The following VPS26C variants were observed in gnomAD, a reference collection of about 807,000 sequenced individuals.
The protein encoded by VPS26C is VPS26 endosomal protein sorting factor C.
Under a neutral mutation model 30.6 loss-of-function variants are expected in VPS26C, and 19 were observed. That is an observed-to-expected ratio of 0.62 (90% CI 0.43 to 0.91). The LOEUF (loss-of-function observed/expected upper bound fraction) is 0.91. Ranked by LOEUF, VPS26C falls within the 40% of genes least tolerant of loss-of-function variation. The pLI, the probability that VPS26C is intolerant of heterozygous loss-of-function variation, is 0.00. For missense variants in VPS26C, 318 were observed against 385.1 expected, an observed-to-expected ratio of 0.83 and a Z score of 1.46; for synonymous variants, 132 against 151.5, an observed-to-expected ratio of 0.87 and a Z score of 0.95.
chr21:37,239,711 C>G (rs753904285), intron 2 of VPS26C, among the ~76,000 whole-genome samples: 9 of 151,570 alleles, frequency 5.9e-5, no homozygotes, highest in Non-Finnish European at 1.2e-4. Context: ...TCAAGCGATT[C>G]TCCTGCCTCA....
chr21:37,255,220 GTTC>G (rs975170838), intron 1 of VPS26C, among the ~76,000 whole-genome samples: 1 of 152,058 alleles, frequency 6.6e-6, no homozygotes, highest in Non-Finnish European at 1.5e-5. Context: ...CTGCCCATCG[GTTC>G]CTAATTTTCC....
At chr21:37,236,220 T>C (rs900014176) in intron 3 of VPS26C, among the ~76,000 whole-genome samples, 1 of 152,200 alleles carries the variant, frequency 6.6e-6, no homozygotes, top group Non-Finnish European at 1.5e-5. Flanking sequence ...CGGTAAACAG[T>C]GCGGGCCGAG....
chr21:37,227,269 C>G lies in VPS26C; in HGVS notation c.811+385G>C, dbSNP rs549055144. 1.7e-5 allele frequency: 3 copies of G among 174,654 alleles called. No individual in the cohort carries two copies. In the East Asian group the frequency reaches 4.8e-4, roughly 28 times the overall value. The allele number at this position is 174,654 out of a possible 1,614,324, so 10.8% of individuals were successfully genotyped here. On this transcript the variant is annotated intron_variant, in intron 7 of 7. Coordinates refer to ENST00000309117, the MANE Select transcript of VPS26C (RefSeq NM_006052.2). ...TTTTCTTCACGGAGCTCAGCGTCAC[C>G]TGCCCATGTCTACACAGAGCTCAGC...
At position 37,232,453 on chromosome 21, in the gene VPS26C, T is replaced by A; in HGVS notation, c.433-2A>T. ...GGGAGTAAACTTCCCCTTCTGAGGC[T>A]AAAACGAGAGGTGAAACCGAAATCA... On this transcript the variant is annotated splice_acceptor_variant, in intron 4 of 7. Coordinates refer to ENST00000309117, the MANE Select transcript of VPS26C (RefSeq NM_006052.2). LOFTEE classifies it high-confidence loss of function. 1 of 1,613,964 alleles carries A rather than the reference T, an allele frequency of 6.2e-7. No homozygotes were observed. The highest frequency in any genetic ancestry group is 8.5e-7 in the Non-Finnish European group (1 of 1,179,832).
chr21:37,249,301 A>C (rs565968884), intron 1 of VPS26C, among the ~76,000 whole-genome samples: 2 of 152,350 alleles, frequency 1.3e-5, no homozygotes, highest in South Asian at 2.1e-4. Context: ...ATACCTGAAG[A>C]AACCCAAGGG....
intron 1 of VPS26C, among the ~76,000 whole-genome samples, chr21:37,256,836 A>G (rs905388525): frequency 2.6e-4 from 39 of 152,224 alleles, no homozygotes; most frequent in African/African-American, 8.7e-4. Context: ...ATTCCTGATA[A>G]TAAAGTTTTA....
intron 3 of VPS26C, among the ~76,000 whole-genome samples, chr21:37,234,304 G>T (rs889456880): frequency 6.6e-6 from 1 of 152,194 alleles, no homozygotes; most frequent in Non-Finnish European, 1.5e-5. Flanking sequence ...ATGTAGCATC[G>T]CACTTGCACA....
chr21:37,237,212 T>C (rs2035112568), intron 3 of VPS26C, among the ~76,000 whole-genome samples: 5 of 152,234 alleles, frequency 3.3e-5, no homozygotes, highest in Admixed American at 3.3e-4. Flanking sequence ...AGTTAACAAA[T>C]ATGATCACTG....
At chr21:37,267,060 G>C (rs1395766171) in intron 1 of VPS26C, 178 bp downstream of exon 1, 1 of 662,068 alleles carries the variant, frequency 1.5e-6, no homozygotes, top group African/African-American at 1.8e-5. Flanking sequence ...CCAGCCTCGC[G>C]CGGGAAGCAC....
chr21:37,229,287 T>C (rs1375705409), intron 5 of VPS26C: 1 of 152,220 alleles, frequency 6.6e-6, no homozygotes, highest in Non-Finnish European at 1.5e-5. Context: ...ACACTAATGA[T>C]AGCTGATGAG....
chr21:37,240,565 T>G lies in VPS26C; in HGVS notation c.132A>C (p.Glu44Asp). ...CACTGAGCTGGAGGTTTACAGTTCC[T>G]TCCATGGTCAAAGACACTCCCTGGT... ...VQHQGVSLTM[E>D]GTVNLQLSAK... is the part of the protein sequence containing the mutation. The change falls in exon 2 of 8, where the codon GAA (glutamate) becomes GAC (aspartate). Residue 44 changes from glutamate to aspartate, a missense_variant. Coordinates refer to ENST00000309117, the MANE Select transcript of VPS26C (RefSeq NM_006052.2). 1 of 1,614,224 alleles carries G rather than the reference T, an allele frequency of 6.2e-7. No individual in the cohort carries two copies. Among genetic ancestry groups the G allele is most frequent in the Non-Finnish European group, 8.5e-7 (1 of 1,180,044 alleles).
chr21:37,241,708 G>A (rs573339851), intron 1 of VPS26C, among the ~76,000 whole-genome samples: 1 of 152,316 alleles, frequency 6.6e-6, no homozygotes, highest in South Asian at 2.1e-4. Context: ...TGTGGTCCCA[G>A]CTACTGGGGA....
At chr21:37,246,259 A>G (rs1175999473) in intron 1 of VPS26C, among the ~76,000 whole-genome samples, 3 of 152,164 alleles carry the variant, frequency 2.0e-5, no homozygotes, top group African/African-American at 7.2e-5. Flanking sequence ...GTCACTCATA[A>G]GAGGAAAAGA....
At chr21:37,227,936 C>G in intron 6 of VPS26C, 130 bp from the exon 7 acceptor site, 2 of 1,233,198 alleles carry the variant, frequency 1.6e-6, no homozygotes, top group Non-Finnish European at 2.3e-6. Flanking sequence ...TCCTTAGACA[C>G]GCGGCTACTG....
chr21:37,244,401 C>T (rs1048576424), intron 1 of VPS26C, among the ~76,000 whole-genome samples: 1 of 152,220 alleles, frequency 6.6e-6, no homozygotes, highest in Admixed American at 6.5e-5. Context: ...CCACACCCAG[C>T]TAATTTTTTG....
At chr21:37,250,575 CT>C (rs1569239059) in intron 1 of VPS26C, among the ~76,000 whole-genome samples, 1 of 151,850 alleles carries the variant, frequency 6.6e-6, no homozygotes, top group African/African-American at 2.4e-5. Flanking sequence ...TAGCAAAGGG[CT>C]GATTTCCCTA....
intron 1 of VPS26C, among the ~76,000 whole-genome samples, chr21:37,253,630 C>T (rs1272311040): frequency 6.6e-6 from 1 of 152,164 alleles, no homozygotes; most frequent in African/African-American, 2.4e-5. Context: ...GTATTAAATT[C>T]TAATCATGGT....
rs371217621 is a variant in VPS26C, at chr21:37,267,316, G to A, written c.-22C>T. ...CCATCTCCAATTCTCCGCAGCAGCC[G>A]CCACTTCCGGCTGCGCGTGACCCCA... On this transcript the variant is annotated 5_prime_UTR_variant, in exon 1 of 8. Transcript: ENST00000309117. 33 of 1,515,806 alleles carry A rather than the reference G, an allele frequency of 2.2e-5. No homozygotes were observed. The African/African-American group carries it at 4.4e-4, about 20-fold the overall frequency. 93.9% of individuals were successfully genotyped at this position (1,515,806 alleles called of 1,614,324 possible).
In VPS26C at chr21:37,257,369, CG is replaced by C. The variant is rs1374032424; in HGVS notation, c.57+9868del. ...TGGGCGAGTCCCTGTTCGCAGGTGA[CG>C]TGTGGACCACGCTCTTCCGAAGCGT... On this transcript the variant is annotated intron_variant, in intron 1 of 7. Transcript: ENST00000309117. The surrounding 1 kb of genome is among the most constrained non-coding windows in gnomAD (Gnocchi z 4.2). 6.6e-6 allele frequency among the ~76,000 whole-genome samples: 1 copy of C among 151,978 alleles called. No homozygotes were observed. The highest frequency in any genetic ancestry group is 1.5e-5 in the Non-Finnish European group (1 of 67,990).
Sources: gnomAD v4.1 joint callset for allele counts (sites outside exome capture counted in the v4.1 genomes callset) on GRCh38, gnomAD v4.1.1 for gene constraint, Gnocchi (gnomAD v3.1) non-coding constraint, MANE v1.5 for transcripts, NCBI Gene and HGNC (gene_info 2026-07-23, HGNC 2026-07-21) for gene names.